The following NOPCHAP1 variants were observed in gnomAD, a reference collection of about 807,000 sequenced individuals.
NOPCHAP1 encodes the protein NOP protein chaperone 1.
In NOPCHAP1, 13 loss-of-function variants were observed where a neutral mutation model predicts 14.0. That is an observed-to-expected ratio of 0.93 (90% CI 0.60 to 1.47). The LOEUF is 1.47. Ranked by LOEUF, NOPCHAP1 falls within the 40% of genes most tolerant of loss-of-function variation. NOPCHAP1 has a pLI of 0.00. For missense variants in NOPCHAP1, 230 were observed against 226.9 expected (o/e 1.01, Z -0.09); for synonymous variants, 78 against 78.4 (o/e 1.00, Z 0.03).
chr12:104,986,952 C>T (rs974170506), intron 1 of NOPCHAP1, among the ~76,000 whole-genome samples: 2 of 152,214 alleles, frequency 1.3e-5, no homozygotes, highest in South Asian at 2.1e-4. Context: ...GAAATCCACA[C>T]AGCATTTCAG....
In NOPCHAP1 at chr12:105,011,362, T is replaced by C. The variant is rs1329071608; in HGVS notation, c.*16666T>C. 1 of 152,190 alleles carries C rather than the reference T, an allele frequency of 6.6e-6. No individual in the cohort carries two copies. Among genetic ancestry groups the C allele is most frequent in the East Asian group, 1.9e-4 (1 of 5,202 alleles). The allele number at this position is 152,190 out of a possible 1,614,324, so 9.4% of individuals were successfully genotyped here. On this transcript the variant is annotated 3_prime_UTR_variant, in exon 4 of 4. Coordinates refer to ENST00000552951, the MANE Select transcript of NOPCHAP1 (RefSeq NM_152318.3). Reference sequence around the variant, plus strand: ...TTCCTCCATCCCTTTATTTTGAGCCTATGTGTGTCTTTGCACATGAGATGG... The same window carrying C: ...TTCCTCCATCCCTTTATTTTGAGCCCATGTGTGTCTTTGCACATGAGATGG...
chr12:104,986,537 G>T, intron 1 of NOPCHAP1, 70 bp downstream of exon 1: 1 of 1,322,858 alleles, frequency 7.6e-7, no homozygotes, highest in Non-Finnish European at 1.0e-6. Context: ...TGCAGTTTGG[G>T]AGCCGGCCGG....
rs1873815779 is a variant in NOPCHAP1, at chr12:105,011,343, C to T, written c.*16647C>T. ...TCCATTTGCTTGGTAAATATTCCTCCATCCCTTTATTTTGAGCCTATGTGT... is the reference window on the plus strand; with the variant it reads ...TCCATTTGCTTGGTAAATATTCCTCTATCCCTTTATTTTGAGCCTATGTGT... On this transcript the variant is annotated 3_prime_UTR_variant, in exon 4 of 4. Coordinates refer to ENST00000552951, the MANE Select transcript of NOPCHAP1 (RefSeq NM_152318.3). 1 of 152,090 alleles carries T rather than the reference C, an allele frequency of 6.6e-6. No individual in the cohort carries two copies. Among genetic ancestry groups the T allele is most frequent in the South Asian group, 2.1e-4 (1 of 4,824 alleles). The allele number at this position is 152,090 out of a possible 1,614,324, so 9.4% of individuals were successfully genotyped here.
rs1057429962 is a variant in NOPCHAP1 at position 105,000,990 on chromosome 12, G to A, written c.*6294G>A. 6.6e-6 allele frequency: 1 copy of A among 150,944 alleles called. No individual in the cohort carries two copies. The highest frequency in any genetic ancestry group is 2.4e-5 in the African/African-American group (1 of 41,124). The allele number at this position is 150,944 out of a possible 1,614,324, so 9.4% of individuals were successfully genotyped here. On this transcript the variant is annotated 3_prime_UTR_variant, in exon 4 of 4. Transcript: ENST00000552951. ...GATCTAGTTGCCCATAAGGCCAATG[G>A]TAATACCTTTGGACGAGGCAATTCA... is the stretch of plus-strand genomic sequence containing the variant.
chr12:105,017,234 TCA>T lies in NOPCHAP1; in HGVS notation c.*22542_*22543del. The T allele has an allele frequency of 6.6e-6, 1 of 152,226 alleles. No individual in the cohort carries two copies. The allele number at this position is 152,226 out of a possible 1,614,324, so 9.4% of individuals were successfully genotyped here. A position where few individuals can be genotyped will look rare whatever the true frequency, so the allele number is the denominator to read the frequency against. ...GTAAGAAAAGGCCAGGCATGGTGGC[TCA>T]CACCTGTAATCCCAGCACTTTGGGA... On this transcript the variant is annotated 3_prime_UTR_variant, in exon 4 of 4. Coordinates refer to ENST00000552951, the MANE Select transcript of NOPCHAP1 (RefSeq NM_152318.3).
intron 2 of NOPCHAP1, among the ~76,000 whole-genome samples, chr12:104,990,935 G>GTCT (rs1392334219): frequency 6.6e-6 from 1 of 152,186 alleles, no homozygotes; most frequent in African/African-American, 2.4e-5. Flanking sequence ...AGTGTCCTCA[G>GTCT]AGGTCAGCCA....
At position 105,014,018 on chromosome 12, in the gene NOPCHAP1, A is replaced by T. The variant is rs2136034708; in HGVS notation, c.*19322A>T. The T allele has an allele frequency of 6.6e-6, 1 of 152,312 alleles. No individual in the cohort carries two copies. Among genetic ancestry groups the T allele is most frequent in the East Asian group, 1.9e-4 (1 of 5,182 alleles). The allele number at this position is 152,312 out of a possible 1,614,324, so 9.4% of individuals were successfully genotyped here. ...CACTTTTTACTGTGATAGGCAATTT[A>T]CTGCAGAGAGGAACTGTTCACACAG... is the stretch of plus-strand genomic sequence containing the variant. On this transcript the variant is annotated 3_prime_UTR_variant, in exon 4 of 4. Transcript: ENST00000552951.
In NOPCHAP1 at chr12:105,013,474, T is replaced by G. The variant is rs1873877060; in HGVS notation, c.*18778T>G. On this transcript the variant is annotated 3_prime_UTR_variant, in exon 4 of 4. Coordinates refer to ENST00000552951, the MANE Select transcript of NOPCHAP1 (RefSeq NM_152318.3). ...TTGGCTTTCTATCTTCAGCCCCCTT[T>G]CCAGGGGAGTGAACGGTTCTGTCTC... The G allele has an allele frequency of 6.6e-6, 1 of 152,532 alleles. No homozygotes were observed. Among genetic ancestry groups the G allele is most frequent in the South Asian group, 2.1e-4 (1 of 4,824 alleles). The allele number at this position is 152,532 out of a possible 1,614,324, so 9.4% of individuals were successfully genotyped here.
intron 1 of NOPCHAP1, 38 bp from the exon 2 acceptor site, chr12:104,988,129 G>T (rs749139270): frequency 6.8e-7 from 1 of 1,477,672 alleles, no homozygotes; most frequent in Non-Finnish European, 9.4e-7. Context: ...TTTTTATGCT[G>T]TAGTAAATTA....
In NOPCHAP1 at chr12:105,015,199, A is replaced by G. The variant is rs897753192; in HGVS notation, c.*20503A>G. ...CAAGATTTTTTCAGCTGGAAAGAGT[A>G]CACCAGAACTGTACACAGCCGTGAT... On this transcript the variant is annotated 3_prime_UTR_variant, in exon 4 of 4. Coordinates refer to ENST00000552951, the MANE Select transcript of NOPCHAP1 (RefSeq NM_152318.3). 1.3e-5 allele frequency: 2 copies of G among 152,358 alleles called. No individual in the cohort carries two copies. Among genetic ancestry groups the G allele is most frequent in the South Asian group, 4.1e-4 (2 of 4,830 alleles). The allele number at this position is 152,358 out of a possible 1,614,324, so 9.4% of individuals were successfully genotyped here.
rs1449627933 is a variant in NOPCHAP1, at chr12:105,005,549, C to T, written c.*10853C>T. 1 of 152,216 alleles carries T rather than the reference C, an allele frequency of 6.6e-6. No homozygotes were observed. The highest frequency in any genetic ancestry group is 2.4e-5 in the African/African-American group (1 of 41,444). The allele number at this position is 152,216 out of a possible 1,614,324, so 9.4% of individuals were successfully genotyped here. ...ACAAAGTTGTAACCCTGCGCAAAGA[C>T]TAGGCTTGTGACCAGTCTGATTGGT... On this transcript the variant is annotated 3_prime_UTR_variant, in exon 4 of 4. Transcript: ENST00000552951.
chr12:105,003,120 T>G lies in NOPCHAP1; in HGVS notation c.*8424T>G, dbSNP rs1016252365. ...TGTAAGGAATCTTTTACTACCTGTA[T>G]GTACCAATTTAAAGAATGCATCTCA... On this transcript the variant is annotated 3_prime_UTR_variant, in exon 4 of 4. Transcript: ENST00000552951. The G allele has an allele frequency of 1.3e-5, 2 of 152,262 alleles. No homozygotes were observed. The highest frequency in any genetic ancestry group is 6.5e-5 in the Admixed American group (1 of 15,284). The allele number at this position is 152,262 out of a possible 1,614,324, so 9.4% of individuals were successfully genotyped here. A position where few individuals can be genotyped will look rare whatever the true frequency, so the allele number is the denominator to read the frequency against.
chr12:105,007,387 A>G lies in NOPCHAP1; in HGVS notation c.*12691A>G, dbSNP rs1873728320. ...AGATGCAGACCTCAGTCTATGGTACACATCAAGCAATTCATATTTTTCTTG... is the reference window on the plus strand; with the variant it reads ...AGATGCAGACCTCAGTCTATGGTACGCATCAAGCAATTCATATTTTTCTTG... On this transcript the variant is annotated 3_prime_UTR_variant, in exon 4 of 4. Transcript: ENST00000552951. 1 of 152,220 alleles carries G rather than the reference A, an allele frequency of 6.6e-6. No homozygotes were observed. The highest frequency in any genetic ancestry group is 1.5e-5 in the Non-Finnish European group (1 of 68,048). 9.4% of individuals were successfully genotyped at this position (152,220 alleles called of 1,614,324 possible). A position where few individuals can be genotyped will look rare whatever the true frequency, so the allele number is the denominator to read the frequency against.
chr12:104,999,413 C>T lies in NOPCHAP1; in HGVS notation c.*4717C>T, dbSNP rs1350406667. 1 of 152,416 alleles carries T rather than the reference C, an allele frequency of 6.6e-6. No homozygotes were observed. Among genetic ancestry groups the T allele is most frequent in the Non-Finnish European group, 1.5e-5 (1 of 68,260 alleles). 9.4% of individuals were successfully genotyped at this position (152,416 alleles called of 1,614,324 possible). ...TAGCGTAGGCCCCCAGGACGCACCCCACCTGGGCATCTAAGGCTGCACTGC... is the reference window on the plus strand; with the variant it reads ...TAGCGTAGGCCCCCAGGACGCACCCTACCTGGGCATCTAAGGCTGCACTGC... On this transcript the variant is annotated 3_prime_UTR_variant, in exon 4 of 4. Transcript: ENST00000552951.
At position 104,997,997 on chromosome 12, in the gene NOPCHAP1, G is replaced by A. The variant is rs893720555; in HGVS notation, c.*3301G>A. ...TTGGTCAATTCTGCTGTTAATACTTGTGATTGCATTATGCAATTCTTGTAG... is the reference window on the plus strand; with the variant it reads ...TTGGTCAATTCTGCTGTTAATACTTATGATTGCATTATGCAATTCTTGTAG... On this transcript the variant is annotated 3_prime_UTR_variant, in exon 4 of 4. Transcript: ENST00000552951. 1 of 152,136 alleles carries A rather than the reference G, an allele frequency of 6.6e-6. No homozygotes were observed. Among genetic ancestry groups the A allele is most frequent in the African/African-American group, 2.4e-5 (1 of 41,432 alleles). The allele number at this position is 152,136 out of a possible 1,614,324, so 9.4% of individuals were successfully genotyped here. A position where few individuals can be genotyped will look rare whatever the true frequency, so the allele number is the denominator to read the frequency against.
In NOPCHAP1 at chr12:105,002,144, G is replaced by A. The variant is rs1873621921; in HGVS notation, c.*7448G>A. ...GTTTGCAATGAAGGGAGACACCTTA[G>A]GGCAAATAATTTCTTGGTCTAAGAT... is the stretch of plus-strand genomic sequence containing the variant. On this transcript the variant is annotated 3_prime_UTR_variant, in exon 4 of 4. Transcript: ENST00000552951. 1 of 152,164 alleles carries A rather than the reference G, an allele frequency of 6.6e-6. No individual in the cohort carries two copies. The highest frequency in any genetic ancestry group is 1.5e-5 in the Non-Finnish European group (1 of 68,016). 9.4% of individuals were successfully genotyped at this position (152,164 alleles called of 1,614,324 possible).
In NOPCHAP1 at chr12:105,002,138, A is replaced by T. The variant is rs1200752494; in HGVS notation, c.*7442A>T. ...CTAGTTGTTTGCAATGAAGGGAGAC[A>T]CCTTAGGGCAAATAATTTCTTGGTC... On this transcript the variant is annotated 3_prime_UTR_variant, in exon 4 of 4. Coordinates refer to ENST00000552951, the MANE Select transcript of NOPCHAP1 (RefSeq NM_152318.3). 3 of 152,170 alleles carry T rather than the reference A, an allele frequency of 2.0e-5. No individual in the cohort carries two copies. Among genetic ancestry groups the T allele is most frequent in the Non-Finnish European group, 4.4e-5 (3 of 68,022 alleles). 9.4% of individuals were successfully genotyped at this position (152,170 alleles called of 1,614,324 possible).
At position 105,008,830 on chromosome 12, in the gene NOPCHAP1, C is replaced by T. The variant is rs574095740; in HGVS notation, c.*14134C>T. The T allele has an allele frequency of 1.5e-4, 23 of 152,254 alleles. No homozygotes were observed. The highest frequency in any genetic ancestry group is 4.8e-4 in the African/African-American group (20 of 41,554). 9.4% of individuals were successfully genotyped at this position (152,254 alleles called of 1,614,324 possible). On this transcript the variant is annotated 3_prime_UTR_variant, in exon 4 of 4. Transcript: ENST00000552951. Reference sequence around the variant, plus strand: ...TTATTTCTGAGGCCTCTGTTCTGTTCTGTTGGCCTGTATATCTCTTTTGGT... The same window carrying T: ...TTATTTCTGAGGCCTCTGTTCTGTTTTGTTGGCCTGTATATCTCTTTTGGT...
Position 104,994,506 on chromosome 12 carries a change from C to G in NOPCHAP1, c.368C>G (p.Ser123Trp), listed in dbSNP as rs747421151. ...MDVALFEMNQ[S>W]DSKEVDSSEE... ...GTGGCTTTGTTTGAGATGAATCAGT[C>G]GGATTCAAAAGAAGTGGACAGTTCA... Residue 123 changes from serine (S) to tryptophan (W), a missense_variant, in exon 4 of 4, where the codon TCG becomes TGG. Transcript: ENST00000552951. The G allele has an allele frequency of 1.2e-6, 2 of 1,613,728 alleles. No homozygotes were observed. The highest frequency in any genetic ancestry group is 4.5e-5 in the East Asian group (2 of 44,878).
Sources: allele counts gnomAD v4.1 joint callset (sites outside exome capture counted in the v4.1 genomes callset), GRCh38; gene constraint gnomAD v4.1.1; transcripts MANE v1.5; gene names NCBI Gene and HGNC (gene_info 2026-07-23, HGNC 2026-07-21).